The following MAST4 variants were observed in gnomAD, a reference collection of about 807,000 sequenced individuals.
MAST4 encodes microtubule-associated serine/threonine-protein kinase 4.
MAST4 carries 89 observed loss-of-function variants against 162.7 expected under a neutral mutation model. The ratio of observed to expected loss-of-function variants is 0.55; its 90% CI spans 0.46 to 0.65. MAST4 has a LOEUF of 0.65. Among genes scored for constraint, MAST4 ranks in the 30% least tolerant of loss-of-function variants. The probability of loss-of-function intolerance (pLI) is 0.00; values close to 1 mark genes in which losing one functional copy is unlikely to be tolerated. For missense variants in MAST4, 3,153 were observed against 3,374.0 expected (o/e 0.93, Z 1.62); for synonymous variants, 1,479 against 1,361.1 (o/e 1.09, Z -1.91).
chr5:66,898,093 G>A (rs1384986219), intron 3 of MAST4, among the ~76,000 whole-genome samples: 4 of 152,160 alleles, frequency 2.6e-5, no homozygotes, highest in African/African-American at 7.2e-5. Context: ...ATTGGACAGA[G>A]CAGTATTATT....
intron 11 of MAST4, among the ~76,000 whole-genome samples, chr5:67,111,865 C>T (rs1165677547): frequency 6.6e-6 from 1 of 152,144 alleles, no homozygotes; most frequent in Non-Finnish European, 1.5e-5. Flanking sequence ...AATATTGCTG[C>T]TTTCAAAGTA....
At chr5:67,105,249 A>G (rs1338898004) in intron 10 of MAST4, among the ~76,000 whole-genome samples, 2 of 152,152 alleles carry the variant, frequency 1.3e-5, no homozygotes, top group Non-Finnish European at 2.9e-5. Context: ...TATTTAGTCT[A>G]TGTATTTGTA....
At chr5:66,958,847 T>G in intron 4 of MAST4, 1 of 184,676 alleles carries the variant, frequency 5.4e-6, no homozygotes, top group South Asian at 1.4e-4. Flanking sequence ...GATAAACTCT[T>G]TTACAAGTAT....
At chr5:67,015,437 A>G (rs1753168793) in intron 4 of MAST4, among the ~76,000 whole-genome samples, 1 of 152,104 alleles carries the variant, frequency 6.6e-6, no homozygotes, top group African/African-American at 2.4e-5. Context: ...TTTGGAGGGG[A>G]TTCATGGCCC....
chr5:66,804,964 G>T (rs1202408200), intron 3 of MAST4, among the ~76,000 whole-genome samples: 1 of 151,930 alleles, frequency 6.6e-6, no homozygotes, highest in Non-Finnish European at 1.5e-5. Flanking sequence ...GTTTAGTTTT[G>T]TCTTCTCTCT....
chr5:66,973,640 C>T (rs1418327617), intron 4 of MAST4, among the ~76,000 whole-genome samples: 1 of 152,106 alleles, frequency 6.6e-6, no homozygotes, highest in Non-Finnish European at 1.5e-5. Context: ...TGAATATACT[C>T]TTCACAACAA....
chr5:66,922,790 C>G (rs759085310), intron 4 of MAST4, among the ~76,000 whole-genome samples: 1 of 152,120 alleles, frequency 6.6e-6, no homozygotes, highest in Non-Finnish European at 1.5e-5. Context: ...CAAAGGATTT[C>G]TACTTAATGC....
At chr5:66,961,014 C>G (rs1316529321) in intron 4 of MAST4, among the ~76,000 whole-genome samples, 1 of 152,160 alleles carries the variant, frequency 6.6e-6, no homozygotes, top group Non-Finnish European at 1.5e-5. Flanking sequence ...ATAGGTAATT[C>G]TGTTTGCCTA....
chr5:67,051,972 T>G (rs888639222), intron 4 of MAST4, among the ~76,000 whole-genome samples: 1 of 152,180 alleles, frequency 6.6e-6, no homozygotes, highest in East Asian at 1.9e-4. Flanking sequence ...CATCTCTAGC[T>G]TCATGTTGAA....
At chr5:66,903,147 G>A (rs464334) in intron 4 of MAST4, among the ~76,000 whole-genome samples, 108,496 of 152,030 alleles carry the variant, frequency 0.71, 38,960 homozygotes, top group Middle Eastern at 0.77. Flanking sequence ...CAGTAAAGGT[G>A]TAAAACATGC....
chr5:66,920,555 A>T (rs1764464657), intron 4 of MAST4, among the ~76,000 whole-genome samples: 1 of 152,120 alleles, frequency 6.6e-6, no homozygotes, highest in African/African-American at 2.4e-5. Flanking sequence ...TGAATGTGTG[A>T]TCTCAGCTCA....
At chr5:67,013,800 G>GA (rs1752968236) in intron 4 of MAST4, among the ~76,000 whole-genome samples, 1 of 152,156 alleles carries the variant, frequency 6.6e-6, no homozygotes, top group African/African-American at 2.4e-5. Context: ...GGGGTTGAGG[G>GA]AAAAAATTAT....
At chr5:67,156,825 G>A (rs991250835) in intron 26 of MAST4, among the ~76,000 whole-genome samples, 10 of 152,174 alleles carry the variant, frequency 6.6e-5, no homozygotes, top group South Asian at 2.1e-4. Flanking sequence ...AAAAGCAGTC[G>A]TTCGGTGAGT....
chr5:67,056,346 T>C (rs776867222), intron 5 of MAST4, among the ~76,000 whole-genome samples: 12 of 152,168 alleles, frequency 7.9e-5, no homozygotes, highest in Non-Finnish European at 1.5e-4. Context: ...ACTTGGGACA[T>C]TACTCTAGCA....
At chr5:66,631,667 C>T (rs910390769) in intron 1 of MAST4, among the ~76,000 whole-genome samples, 5 of 152,076 alleles carry the variant, frequency 3.3e-5, no homozygotes, top group Admixed American at 1.3e-4. Context: ...TGGGTGCTTT[C>T]GAGCCAGGCT....
At chr5:66,798,846 T>C (rs1199315395) in intron 3 of MAST4, among the ~76,000 whole-genome samples, 3 of 152,226 alleles carry the variant, frequency 2.0e-5, no homozygotes, top group Non-Finnish European at 2.9e-5. Flanking sequence ...GTTAGGTTTG[T>C]ACGGGTATTT....
intron 3 of MAST4, among the ~76,000 whole-genome samples, chr5:66,877,854 G>A (rs1411972958): frequency 3.3e-5 from 5 of 152,146 alleles, no homozygotes; most frequent in African/African-American, 7.2e-5. Context: ...GGAAAACAAC[G>A]TCATGAAAAA....
At chr5:66,880,069 G>A (rs1478593535) in intron 3 of MAST4, among the ~76,000 whole-genome samples, 1 of 152,196 alleles carries the variant, frequency 6.6e-6, no homozygotes, top group Non-Finnish European at 1.5e-5. Flanking sequence ...AACAAATTAT[G>A]TTTCATTCGT....
At chr5:66,835,623 A>G (rs1021401171) in intron 3 of MAST4, among the ~76,000 whole-genome samples, 14 of 152,236 alleles carry the variant, frequency 9.2e-5, no homozygotes, top group African/African-American at 3.4e-4. Flanking sequence ...TGAGAATTAC[A>G]TGAACTTAAG....
Sources: allele counts gnomAD v4.1 joint callset (sites outside exome capture counted in the v4.1 genomes callset), GRCh38; gene constraint gnomAD v4.1.1; transcripts MANE v1.5; gene names NCBI Gene and HGNC (gene_info 2026-07-23, HGNC 2026-07-21).